The following P4HA2 variants were observed in gnomAD, a reference collection of about 807,000 sequenced individuals.
P4HA2 encodes the protein prolyl 4-hydroxylase subunit alpha 2.
A neutral mutation model predicts 76.9 loss-of-function variants in P4HA2; 46 were observed. The observed-to-expected ratio is 0.60, with a 90% confidence interval of 0.47 to 0.76. P4HA2 has a LOEUF of 0.76. P4HA2 is among the 30% of genes least tolerant of loss of function. The pLI, the probability that P4HA2 is intolerant of heterozygous loss-of-function variation, is 0.00. For missense variants in P4HA2, 583 were observed against 669.4 expected (o/e 0.87, Z 1.42); for synonymous variants, 243 against 254.0 (o/e 0.96, Z 0.41).
rs200446138 is a variant in P4HA2 at position 132,198,425 on chromosome 5, T to C, written c.1306-45A>G. On this transcript the variant is annotated intron_variant, in intron 11 of 14. Transcript: ENST00000360568. ...TCACCCAAGTTTACAACAGGCTTCA[T>C]CCACCACCCACAAGACTAGGACCAA... is the stretch of plus-strand genomic sequence containing the variant. The C allele has an allele frequency of 1.5e-5, 24 of 1,575,742 alleles. No homozygotes were observed. In the East Asian group the frequency reaches 5.4e-4, roughly 35 times the overall value.
In P4HA2 at chr5:132,203,847, G is replaced by A. The variant is rs375975858; in HGVS notation, c.1152C>T (p.Ser384=). 4 of 1,611,238 alleles carry A rather than the reference G, an allele frequency of 2.5e-6. No individual in the cohort carries two copies. Among genetic ancestry groups the A allele is most frequent in the African/African-American group, 1.3e-5 (1 of 74,996 alleles). Residue 384 remains serine (S), a splice_region_variant and synonymous_variant, in exon 10 of 15, where the codon AGC becomes AGT. Coordinates refer to ENST00000360568, the MANE Select transcript of P4HA2 (RefSeq NM_001017974.2). ...GGTCATCATCTTCCTCTAGCCAGGA[G>A]CTGGGCAAAAAGAAAAGGGCAGAGA... The part of the protein sequence containing the change: ...LTVASYRVSK[S]SWLEEDDDPV...
chr5:132,195,702 A>G (rs1194888031), intron 12 of P4HA2: 6 of 585,402 alleles, frequency 1.0e-5, no homozygotes, highest in African/African-American at 1.9e-5. Flanking sequence ...AGTGTTCAAG[A>G]GTTGAGGCCC....
chr5:132,205,929 C>T (rs1752148877), intron 8 of P4HA2, among the ~76,000 whole-genome samples: 1 of 152,174 alleles, frequency 6.6e-6, no homozygotes, highest in Admixed American at 6.5e-5. Flanking sequence ...CCAGAGACCC[C>T]ACAGACAGCT....
At chr5:132,193,137 G>T in intron 14 of P4HA2, 57 bp from the exon 15 acceptor site, 3 of 1,180,458 alleles carry the variant, frequency 2.5e-6, no homozygotes, top group Non-Finnish European at 3.8e-6. Flanking sequence ...TAGCCTGAAT[G>T]AATGACTCCT....
At chr5:132,203,562 C>T (rs10520127) in intron 10 of P4HA2, 186 bp downstream of exon 10, 36,935 of 592,722 alleles carry the variant, frequency 0.062, 1,531 homozygotes, top group Non-Finnish European at 0.085. Flanking sequence ...ATTTGTTGAA[C>T]ACTAATTGTT....
chr5:132,222,187 T>C (rs1363094615), intron 1 of P4HA2: 1 of 152,326 alleles, frequency 6.6e-6, no homozygotes, highest in African/African-American at 2.4e-5. Flanking sequence ...AACAAGAACC[T>C]GCCTGCCTTC....
chr5:132,215,451 C>G (rs932849201), intron 4 of P4HA2, among the ~76,000 whole-genome samples: 1 of 152,192 alleles, frequency 6.6e-6, no homozygotes, highest in Non-Finnish European at 1.5e-5. Flanking sequence ...CAGCCTGTCC[C>G]GAGCTGCAGG....
intron 1 of P4HA2, among the ~76,000 whole-genome samples, chr5:132,222,896 G>A (rs1345177617): frequency 6.6e-6 from 1 of 152,204 alleles, no homozygotes; most frequent in Non-Finnish European, 1.5e-5. Context: ...AGCCAAGTTG[G>A]GTTTTCAGTC....
At chr5:132,221,497 G>A (rs73261866) in intron 1 of P4HA2, among the ~76,000 whole-genome samples, 1,764 of 152,184 alleles carry the variant, frequency 0.012, 38 homozygotes, top group African/African-American at 0.041. Flanking sequence ...TATTAAAAAT[G>A]AATACTATAT....
intron 9 of P4HA2, 100 bp from the exon 10 acceptor site, chr5:132,203,947 G>A (rs1473895790): frequency 8.7e-7 from 1 of 1,143,642 alleles, no homozygotes; most frequent in Non-Finnish European, 1.3e-6. Context: ...TGAACAGGCA[G>A]TACAGGATGC....
In P4HA2 at chr5:132,208,035, C is replaced by A. The variant is rs1752440331; in HGVS notation, c.904-151G>T. The A allele has an allele frequency of 6.7e-6, 4 of 601,286 alleles. No individual in the cohort carries two copies. In the South Asian group the frequency reaches 9.3e-5, roughly 14 times the overall value. The allele number at this position is 601,286 out of a possible 1,614,324, so 37.2% of individuals were successfully genotyped here. ...GAAAACAAAAGTCCCAGCAGGTGGG[C>A]ATGCACAGTGGCTCATGCCTGTAAT... On this transcript the variant is annotated intron_variant, in intron 7 of 14. Coordinates refer to ENST00000360568, the MANE Select transcript of P4HA2 (RefSeq NM_001017974.2).
At chr5:132,214,804 C>T (rs1753619961) in intron 4 of P4HA2, among the ~76,000 whole-genome samples, 1 of 152,182 alleles carries the variant, frequency 6.6e-6, no homozygotes, top group Admixed American at 6.5e-5. Context: ...AGGGCATGGG[C>T]TCTCCAGTTA....
At chr5:132,204,178 C>G (rs753723586) in intron 8 of P4HA2, 26 bp from the exon 9 acceptor site, 19 of 1,574,074 alleles carry the variant, frequency 1.2e-5, no homozygotes, top group Non-Finnish European at 1.5e-5. Flanking sequence ...AGAGGGAAGA[C>G]TTGATTTGTT....
rs1306223772 is a variant in P4HA2, at chr5:132,191,240, C to T, written c.*1770G>A. ...AAGATTTCAACATATGGGCCGGGCGCGGTGGCTCACGCCTGTAATCCCAGC... is the reference window on the plus strand; with the variant it reads ...AAGATTTCAACATATGGGCCGGGCGTGGTGGCTCACGCCTGTAATCCCAGC... On this transcript the variant is annotated 3_prime_UTR_variant, in exon 15 of 15. Transcript: ENST00000360568. 6.6e-6 allele frequency among the ~76,000 whole-genome samples: 1 copy of T among 152,138 alleles called. No homozygotes were observed. The highest frequency in any genetic ancestry group is 1.5e-5 in the Non-Finnish European group (1 of 67,996).
At chr5:132,225,526 G>T (rs1184674756) in intron 1 of P4HA2, among the ~76,000 whole-genome samples, 1 of 152,160 alleles carries the variant, frequency 6.6e-6, no homozygotes, top group Non-Finnish European at 1.5e-5. Flanking sequence ...CTCTTCCTTT[G>T]ATGAGCACTC....
chr5:132,199,083 G>A lies in P4HA2; in HGVS notation c.1252-151C>T, dbSNP rs17618350. ...GGTGGAAGACAACCATGCCCTGGCAGCACAGGCAGAGCAAACATCACAAAC... is the reference window on the plus strand; with the variant it reads ...GGTGGAAGACAACCATGCCCTGGCAACACAGGCAGAGCAAACATCACAAAC... On this transcript the variant is annotated intron_variant, in intron 10 of 14. Coordinates refer to ENST00000360568, the MANE Select transcript of P4HA2 (RefSeq NM_001017974.2). 4,493 of 633,264 alleles carry A rather than the reference G, an allele frequency of 7.1e-3. 22 individuals carry two copies. The highest frequency in any genetic ancestry group is 0.013 in the Middle Eastern group (52 of 3,984). The allele number at this position is 633,264 out of a possible 1,614,324, so 39.2% of individuals were successfully genotyped here. A position where few individuals can be genotyped will look rare whatever the true frequency, so the allele number is the denominator to read the frequency against.
intron 6 of P4HA2, among the ~76,000 whole-genome samples, chr5:132,209,889 C>T (rs1384199057): frequency 6.6e-6 from 1 of 152,016 alleles, no homozygotes; most frequent in African/African-American, 2.4e-5. Context: ...ACTATTAGAC[C>T]TCAGGCCTCT....
intron 1 of P4HA2, among the ~76,000 whole-genome samples, chr5:132,222,997 G>A (rs1470089072): frequency 6.6e-6 from 1 of 152,222 alleles, no homozygotes; most frequent in Non-Finnish European, 1.5e-5. Flanking sequence ...CACTATATTG[G>A]ATGCATCTTA....
At chr5:132,213,065 G>A (rs138044239) in intron 5 of P4HA2, among the ~76,000 whole-genome samples, 61 of 152,318 alleles carry the variant, frequency 4.0e-4, no homozygotes, top group Non-Finnish European at 6.5e-4. Context: ...GAAGTCAGTG[G>A]GAGAGGGGCC....
Sources: allele counts gnomAD v4.1 joint callset (sites outside exome capture counted in the v4.1 genomes callset), GRCh38; gene constraint gnomAD v4.1.1; transcripts MANE v1.5; gene names NCBI Gene and HGNC (gene_info 2026-07-23, HGNC 2026-07-21).